The following SLC32A1 variants were observed in gnomAD, a reference collection of about 807,000 sequenced individuals.
SLC32A1 encodes the protein vesicular inhibitory amino acid transporter.
A neutral mutation model predicts 35.5 loss-of-function variants in SLC32A1; 8 were observed. The observed-to-expected ratio is 0.23, with a 90% CI of 0.13 to 0.41. The LOEUF (loss-of-function observed/expected upper bound fraction) is 0.41, where lower values mean the gene tolerates loss of function less well. Ranked by LOEUF, SLC32A1 falls within the 10% of genes least tolerant of loss-of-function variation. The pLI is 1.00. For missense variants in SLC32A1, 493 were observed against 722.3 expected (o/e 0.68, Z 3.64); for synonymous variants, 317 against 326.3 (o/e 0.97, Z 0.31).
At chr20:38,727,392 C>T in intron 1 of SLC32A1, 60 bp from the exon 2 acceptor site, 2 of 1,513,068 alleles carry the variant, frequency 1.3e-6, no homozygotes, top group Admixed American at 1.7e-5. Context: ...GCCCCCCGGG[C>T]CCCTCATCCG....
In SLC32A1 at chr20:38,724,900, A is replaced by G. The variant is rs772898796; in HGVS notation, c.176A>G (p.Gln59Arg). The G allele has an allele frequency of 6.2e-7, 1 of 1,614,014 alleles. No homozygotes were observed. The highest frequency in any genetic ancestry group is 2.2e-5 in the East Asian group (1 of 44,878). The change falls in exon 1 of 2, where the codon CAG (glutamine) becomes CGG (arginine). Residue 59 changes from glutamine to arginine, a missense_variant. By Grantham distance (43) the Gln-to-Arg change is conservative. This residue lies in a region of SLC32A1 where 133 missense variants were observed against 145.9 expected (regional missense o/e 0.91). Transcript: ENST00000217420. ...GACTTTGAGCACCGCCAGGGCCTGC[A>G]GATGGACATCCTGAAAGCCGAGGGA... is the stretch of plus-strand genomic sequence containing the variant. ...DLDFEHRQGL[Q>R]MDILKAEGEP...
Position 38,728,307 on chromosome 20 carries a change from G to A in SLC32A1, c.1246G>A (p.Ala416Thr), listed in dbSNP as rs142909531. Residue 416 changes from alanine to threonine, a missense_variant, in exon 2 of 2, where the codon GCC (alanine) becomes ACC (threonine). Physicochemically the swap from Ala to Thr is moderately conservative, Grantham distance 58. Coordinates refer to ENST00000217420, the MANE Select transcript of SLC32A1 (RefSeq NM_080552.3). ...GTCGCTCTTCCAGGAAGGCAGCCGC[G>A]CCTTTTTCCCGGCCTGCTACAGCGG... ...EKSLFQEGSR[A>T]FFPACYSGDG... 5.6e-6 allele frequency: 9 copies of A among 1,613,648 alleles called. No homozygotes were observed. The highest frequency in any genetic ancestry group is 2.2e-5 in the South Asian group (2 of 91,068).
rs1463733726 is a variant in SLC32A1 at position 38,728,227 on chromosome 20, A to G, written c.1166A>G (p.Lys389Arg). 1 of 1,614,054 alleles carries G rather than the reference A, an allele frequency of 6.2e-7. No homozygotes were observed. ...GTGGTCAACATCTTTCTGGTGGCCA[A>G]GGCGCTGTTGTCCTATCCTCTGCCA... ...RAVVNIFLVA[K>R]ALLSYPLPFF... Residue 389 changes from lysine to arginine, a missense_variant, in exon 2 of 2, where the codon AAG becomes AGG. By Grantham distance (26) the Lys-to-Arg change is conservative (BLOSUM62 2). This residue lies in a region of SLC32A1 where 269 missense variants were observed against 445.6 expected (regional missense o/e 0.60). Coordinates refer to ENST00000217420, the MANE Select transcript of SLC32A1 (RefSeq NM_080552.3).
Position 38,726,324 on chromosome 20 carries a change from C to T in SLC32A1, c.391-1128C>T, listed in dbSNP as rs1292885442. ...GGGGTAAGCAGGACTCCACCGGGCC[C>T]CGAACACCAGATGGCCCGACCCAAG... is the stretch of plus-strand genomic sequence containing the variant. On this transcript the variant is annotated intron_variant, in intron 1 of 1. Transcript: ENST00000217420. This position sits in a 1 kb window ranked among gnomAD's most constrained non-coding sequence, Gnocchi z 4.7. 2.0e-5 allele frequency among the ~76,000 whole-genome samples: 3 copies of T among 152,118 alleles called. No homozygotes were observed. Among genetic ancestry groups the T allele is most frequent in the Non-Finnish European group, 4.4e-5 (3 of 68,018 alleles).
Position 38,727,520 on chromosome 20 carries a change from C to T in SLC32A1, c.459C>T (p.Ile153=). 4 of 1,609,172 alleles carry T rather than the reference C, an allele frequency of 2.5e-6. No individual in the cohort carries two copies. The highest frequency in any genetic ancestry group is 3.4e-6 in the Non-Finnish European group (4 of 1,180,022). The change falls in exon 2 of 2, where the codon ATC becomes ATT. Residue 153 remains isoleucine (I), a synonymous_variant. Coordinates refer to ENST00000217420, the MANE Select transcript of SLC32A1 (RefSeq NM_080552.3). ...GCTACCTGGGGTTGTTTCTCATCAT[C>T]TTCGCCGCCGTTGTGTGCTGCTACA... ...HGGYLGLFLI[I]FAAVVCCYTG...
intron 1 of SLC32A1, 127 bp from the exon 2 acceptor site, chr20:38,727,325 C>A: frequency 1.2e-6 from 1 of 859,494 alleles, no homozygotes; most frequent in Non-Finnish European, 1.8e-6. Flanking sequence ...TCCCCGGCGG[C>A]TCAGACCCAA....
At chr20:38,727,181 G>T (rs149877217) in intron 1 of SLC32A1, among the ~76,000 whole-genome samples, 177 of 151,874 alleles carry the variant, frequency 1.2e-3, no homozygotes, top group African/African-American at 3.8e-3. Context: ...TAGCCCTCTC[G>T]CTATCACCAG....
chr20:38,725,221 T>A (rs1325929029), intron 1 of SLC32A1, 107 bp downstream of exon 1: 11 of 1,353,430 alleles, frequency 8.1e-6, no homozygotes, highest in Admixed American at 5.8e-5. Flanking sequence ...GACCCCCTCC[T>A]GTACCCAGGA....
Position 38,728,943 on chromosome 20 carries a change from T to A in SLC32A1, c.*304T>A. 9.9e-6 allele frequency: 3 copies of A among 303,360 alleles called. No individual in the cohort carries two copies. Among genetic ancestry groups the A allele is most frequent in the East Asian group, 6.0e-5 (1 of 16,724 alleles). 18.8% of individuals were successfully genotyped at this position (303,360 alleles called of 1,614,324 possible). On this transcript the variant is annotated 3_prime_UTR_variant, in exon 2 of 2. Coordinates refer to ENST00000217420, the MANE Select transcript of SLC32A1 (RefSeq NM_080552.3). ...TGGGGCCCCGACACTTTGGTTCCAG[T>A]CATCGAGGGGGTTGGGAAGGGAGGG...
rs1284084095 is a variant in SLC32A1 at position 38,728,007 on chromosome 20, A to G, written c.946A>G (p.Ser316Gly). 6.2e-7 allele frequency: 1 copy of G among 1,614,124 alleles called. No homozygotes were observed. Among genetic ancestry groups the G allele is most frequent in the South Asian group, 1.1e-5 (1 of 91,084 alleles). Residue 316 changes from serine (S) to glycine (G), a missense_variant, in exon 2 of 2, where the codon AGC becomes GGC. Ser to Gly is a moderately conservative substitution (Grantham distance 56). Transcript: ENST00000217420. ...FPISIGIIVF[S>G]YTSQIFLPSL... ...CATCTCCATTGGCATCATCGTGTTC[A>G]GCTACACGTCTCAGATCTTCCTGCC...
Position 38,724,888 on chromosome 20 carries a change from G to T in SLC32A1, c.164G>T (p.Arg55Leu), listed in dbSNP as rs1255607270. The change falls in exon 1 of 2, where the codon CGC becomes CTC. Residue 55 changes from arginine (R) to leucine (L), a missense_variant. Arg to Leu is a moderately radical substitution (Grantham distance 102, BLOSUM62 -2). Coordinates refer to ENST00000217420, the MANE Select transcript of SLC32A1 (RefSeq NM_080552.3). Reference protein sequence around the residue: ...AHCDDLDFEHRQGLQMDILKA... With the variant: ...AHCDDLDFEHLQGLQMDILKA... Reference sequence around the variant, plus strand: ...TGCGACGACCTCGACTTTGAGCACCGCCAGGGCCTGCAGATGGACATCCTG... The same window carrying T: ...TGCGACGACCTCGACTTTGAGCACCTCCAGGGCCTGCAGATGGACATCCTG... The T allele has an allele frequency of 2.5e-6, 4 of 1,613,984 alleles. No individual in the cohort carries two copies. Among genetic ancestry groups the T allele is most frequent in the Admixed American group, 3.3e-5 (2 of 60,032 alleles).
In SLC32A1 at chr20:38,726,934, T is replaced by A. The variant is rs1444743608; in HGVS notation, c.391-518T>A. Among the ~76,000 whole-genome samples, 3 of 151,694 alleles carry A rather than the reference T, an allele frequency of 2.0e-5. No individual in the cohort carries two copies. The highest frequency in any genetic ancestry group is 4.4e-5 in the Non-Finnish European group (3 of 67,942). On this transcript the variant is annotated intron_variant, in intron 1 of 1. Coordinates refer to ENST00000217420, the MANE Select transcript of SLC32A1 (RefSeq NM_080552.3). The surrounding 1 kb of genome is among the most constrained non-coding windows in gnomAD (Gnocchi z 4.7). ...CTGGTCTGAGCCTGAGACGCCCGAG[T>A]TTTCCTCTTTAGCTCCCGTGCCCCA... is the stretch of plus-strand genomic sequence containing the variant.
At position 38,727,575 on chromosome 20, in the gene SLC32A1, G is replaced by C. The variant is rs764847103; in HGVS notation, c.514G>C (p.Glu172Gln). ...TGKILIACLY[E>Q]ENEDGEVVRV... is the part of the protein sequence containing the mutation. The stretch of plus-strand genomic sequence containing the variant: ...CAAGATCCTCATCGCGTGCCTGTAC[G>C]AGGAGAATGAAGACGGCGAGGTGGT... Residue 172 changes from glutamate (E) to glutamine (Q), a missense_variant, in exon 2 of 2, where the codon GAG (glutamate) becomes CAG (glutamine). By Grantham distance (29) the Glu-to-Gln change is conservative (BLOSUM62 2). Transcript: ENST00000217420. 3 of 1,611,190 alleles carry C rather than the reference G, an allele frequency of 1.9e-6. No homozygotes were observed. The highest frequency in any genetic ancestry group is 2.5e-6 in the Non-Finnish European group (3 of 1,180,036).
In SLC32A1 at chr20:38,724,626, C is replaced by T; in HGVS notation, c.-99C>T. 7.0e-7 allele frequency: 1 copy of T among 1,432,546 alleles called. No individual in the cohort carries two copies. The highest frequency in any genetic ancestry group is 9.3e-7 in the Non-Finnish European group (1 of 1,077,234). The allele number at this position is 1,432,546 out of a possible 1,614,324, so 88.7% of individuals were successfully genotyped here. A position where few individuals can be genotyped will look rare whatever the true frequency, so the allele number is the denominator to read the frequency against. On this transcript the variant is annotated 5_prime_UTR_variant, in exon 1 of 2. Transcript: ENST00000217420. ...CCCGGGGCGCCGCGCGGAGAGCAAG[C>T]GGAGATAGCGACTTTGCGCCCCCCA...
chr20:38,725,824 TG>T (rs2084273928), intron 1 of SLC32A1, among the ~76,000 whole-genome samples: 2 of 152,220 alleles, frequency 1.3e-5, no homozygotes, highest in African/African-American at 4.8e-5. Flanking sequence ...GGTGCGGCCC[TG>T]TTGGAGACAT....
intron 1 of SLC32A1, among the ~76,000 whole-genome samples, chr20:38,725,552 G>A (rs1297076121): frequency 1.3e-5 from 2 of 152,082 alleles, no homozygotes; most frequent in Admixed American, 1.3e-4. Context: ...CCGCACACAC[G>A]CATAGACACG....
At position 38,724,499 on chromosome 20, in the gene SLC32A1, C is replaced by G. The variant is rs1423403857; in HGVS notation, c.-226C>G. 2.5e-5 allele frequency: 14 copies of G among 566,544 alleles called. No individual in the cohort carries two copies. The highest frequency in any genetic ancestry group is 4.8e-4 in the Middle Eastern group (1 of 2,080). 35.1% of individuals were successfully genotyped at this position (566,544 alleles called of 1,614,324 possible). On this transcript the variant is annotated 5_prime_UTR_variant, in exon 1 of 2. Transcript: ENST00000217420. Reference sequence around the variant, plus strand: ...CGGCAGCTCCGCAGTGCACTAGCCACCACCGCCGCCGCCGCCGCTCCGCCA... The same window carrying G: ...CGGCAGCTCCGCAGTGCACTAGCCAGCACCGCCGCCGCCGCCGCTCCGCCA...
rs1279053628 is a variant in SLC32A1, at chr20:38,727,504, G to A, written c.443G>A (p.Gly148Glu). Residue 148 changes from glycine (G) to glutamate (E), a missense_variant, in exon 2 of 2, where the codon GGG (glycine) becomes GAG (glutamate). By Grantham distance (98) the Gly-to-Glu change is moderately conservative. Transcript: ENST00000217420. ...PYAILHGGYLGLFLIIFAAVV... is the reference protein window; with the variant it reads ...PYAILHGGYLELFLIIFAAVV... ...GCCATCCTGCACGGCGGCTACCTGGGGTTGTTTCTCATCATCTTCGCCGCC... is the reference window on the plus strand; with the variant it reads ...GCCATCCTGCACGGCGGCTACCTGGAGTTGTTTCTCATCATCTTCGCCGCC... The A allele has an allele frequency of 6.2e-7, 1 of 1,609,172 alleles. No homozygotes were observed. Among genetic ancestry groups the A allele is most frequent in the Non-Finnish European group, 8.5e-7 (1 of 1,180,022 alleles).
Position 38,728,149 on chromosome 20 carries a change from C to A in SLC32A1, c.1088C>A (p.Ala363Asp), listed in dbSNP as rs545702481. 1 of 1,614,056 alleles carries A rather than the reference C, an allele frequency of 6.2e-7. No individual in the cohort carries two copies. The highest frequency in any genetic ancestry group is 2.2e-5 in the East Asian group (1 of 44,880). The change falls in exon 2 of 2, where the codon GCC (alanine) becomes GAC (aspartate). Residue 363 changes from alanine to aspartate, a missense_variant. This residue lies in a region of SLC32A1 where 269 missense variants were observed against 445.6 expected (regional missense o/e 0.60). Transcript: ENST00000217420. ...LFALVAYLTW[A>D]DETKEVITDN... ...GCGCTCGTCGCCTACCTCACCTGGG[C>A]CGACGAGACCAAGGAGGTCATCACG...
Sources: gnomAD v4.1 joint callset for allele counts (sites outside exome capture counted in the v4.1 genomes callset) on GRCh38, gnomAD v4.1.1 for gene constraint, gnomAD v4.1.1 regional missense constraint, Gnocchi (gnomAD v3.1) non-coding constraint, MANE v1.5 for transcripts, NCBI Gene and HGNC (gene_info 2026-07-23, HGNC 2026-07-21) for gene names.